The following UNK variants were observed in gnomAD, a reference collection of about 807,000 sequenced individuals.
UNK encodes the protein RING finger protein unkempt homolog.
A neutral mutation model predicts 97.6 loss-of-function variants in UNK; 32 were observed. That is an observed-to-expected ratio of 0.33 (90% confidence interval 0.25 to 0.44). The LOEUF is 0.44. Ranked by LOEUF, UNK falls within the 20% of genes least tolerant of loss-of-function variation. The pLI is 1.00. For missense variants in UNK, 771 were observed against 1,098.4 expected (o/e 0.70, Z 4.21); for synonymous variants, 441 against 461.2 (o/e 0.96, Z 0.56).
intron 1 of UNK, among the ~76,000 whole-genome samples, chr17:75,796,922 G>A (rs923430258): frequency 4.6e-5 from 7 of 152,128 alleles, no homozygotes; most frequent in South Asian, 2.1e-4. Flanking sequence ...CCTTTGATAA[G>A]CCGTGAATTA....
intron 1 of UNK, chr17:75,792,567 C>A: frequency 2.5e-6 from 2 of 806,216 alleles, no homozygotes; most frequent in Non-Finnish European, 3.0e-6. Flanking sequence ...TACTATCCCT[C>A]TGGACAATGT....
intron 2 of UNK, 113 bp from the exon 3 acceptor site, chr17:75,811,995 CAAAA>C (rs1290167356): frequency 1.5e-6 from 2 of 1,317,184 alleles, no homozygotes; most frequent in Non-Finnish European, 2.0e-6. Context: ...AAAAACAAAA[CAAAA>C]CAAACAAACA....
At chr17:75,821,160 T>C in intron 13 of UNK, 1 of 312,256 alleles carries the variant, frequency 3.2e-6, no homozygotes, top group Non-Finnish European at 6.4e-6. Context: ...CAGGTAATCC[T>C]TCCACATCAG....
intron 1 of UNK, among the ~76,000 whole-genome samples, chr17:75,798,669 C>T (rs1043444424): frequency 4.0e-5 from 6 of 151,320 alleles, no homozygotes; most frequent in African/African-American, 1.2e-4. Flanking sequence ...TGTCAGTAGT[C>T]ATCATGATAC....
chr17:75,812,350 G>A (rs759386397), intron 3 of UNK, 62 bp downstream of exon 3: 94 of 1,579,740 alleles, frequency 6.0e-5, no homozygotes, highest in African/African-American at 9.4e-5. Context: ...GGGGCCTGGC[G>A]GCTAATGATG....
rs565218868 is a variant in UNK, at chr17:75,816,419, C to G, written c.962-351C>G. On this transcript the variant is annotated intron_variant, in intron 7 of 15. Transcript: ENST00000589666. This position sits in a 1 kb window ranked among gnomAD's most constrained non-coding sequence, Gnocchi z 4.0. The stretch of plus-strand genomic sequence containing the variant: ...GCTGAGACGGCATAAGGAAGTGATT[C>G]AGGCTTTGGAGTTGTACAGATCAGC... 6.6e-6 allele frequency among the ~76,000 whole-genome samples: 1 copy of G among 152,334 alleles called. No individual in the cohort carries two copies. Among genetic ancestry groups the G allele is most frequent in the African/African-American group, 2.4e-5 (1 of 41,572 alleles).
At chr17:75,799,944 C>G (rs1183064641) in intron 1 of UNK, among the ~76,000 whole-genome samples, 1 of 152,126 alleles carries the variant, frequency 6.6e-6, no homozygotes, top group Non-Finnish European at 1.5e-5. Context: ...TACAGCGAGC[C>G]CCCTTTCTCC....
At position 75,818,579 on chromosome 17, in the gene UNK, C is replaced by G; in HGVS notation, c.1372-63C>G. The G allele has an allele frequency of 1.3e-6, 2 of 1,518,892 alleles. No homozygotes were observed. The highest frequency in any genetic ancestry group is 1.8e-6 in the Non-Finnish European group (2 of 1,128,368). 94.1% of individuals were successfully genotyped at this position (1,518,892 alleles called of 1,614,324 possible). A position where few individuals can be genotyped will look rare whatever the true frequency, so the allele number is the denominator to read the frequency against. ...CCCTTGCCCCCAGCCCCTCTCCAGCCTCTCGTCCTGGCCTCCGTATGCAGG... is the reference window on the plus strand; with the variant it reads ...CCCTTGCCCCCAGCCCCTCTCCAGCGTCTCGTCCTGGCCTCCGTATGCAGG... On this transcript the variant is annotated intron_variant, in intron 10 of 15. Transcript: ENST00000589666. The surrounding 1 kb of genome is among the most constrained non-coding windows in gnomAD (Gnocchi z 5.1).
intron 1 of UNK, among the ~76,000 whole-genome samples, chr17:75,805,809 A>AGTGTGTGTGT (rs1567800919): frequency 4.1e-5 from 4 of 96,492 alleles, no homozygotes; most frequent in Non-Finnish European, 8.0e-5. Context: ...TAAAAAGAAA[A>AGTGTGTGTGT]ATGTGTGTGT....
intron 1 of UNK, among the ~76,000 whole-genome samples, chr17:75,799,583 T>C (rs1263333193): frequency 5.3e-5 from 8 of 152,222 alleles, no homozygotes; most frequent in Admixed American, 3.3e-4. Context: ...TGCTTTTTGC[T>C]TTTCTTTTCA....
Position 75,824,153 on chromosome 17 carries a change from G to C in UNK, c.2278-109G>C. ...GTCTGGGAGCACACTGTTGAGCTCGGTACCTCAGTTTTCCCATCCCAAGGG... is the reference window on the plus strand; with the variant it reads ...GTCTGGGAGCACACTGTTGAGCTCGCTACCTCAGTTTTCCCATCCCAAGGG... On this transcript the variant is annotated intron_variant, in intron 15 of 15. Transcript: ENST00000589666. This position sits in a 1 kb window ranked among gnomAD's most constrained non-coding sequence, Gnocchi z 4.9. 7.5e-7 allele frequency: 1 copy of C among 1,335,068 alleles called. No individual in the cohort carries two copies. Among genetic ancestry groups the C allele is most frequent in the Non-Finnish European group, 9.9e-7 (1 of 1,014,300 alleles). 82.7% of individuals were successfully genotyped at this position (1,335,068 alleles called of 1,614,324 possible).
chr17:75,812,070 T>C (rs1381882393), intron 2 of UNK, 42 bp from the exon 3 acceptor site: 1 of 1,548,290 alleles, frequency 6.5e-7, no homozygotes, highest in Non-Finnish European at 8.7e-7. Flanking sequence ...AAGCCTAGGC[T>C]GCAGGCAGCA....
intron 13 of UNK, chr17:75,821,334 C>A: frequency 2.2e-6 from 1 of 455,764 alleles, no homozygotes; most frequent in South Asian, 1.6e-5. Flanking sequence ...TGCTGTCCAG[C>A]AGCTGTGGCC....
intron 1 of UNK, among the ~76,000 whole-genome samples, chr17:75,806,972 T>G (rs1340184119): frequency 6.6e-6 from 1 of 152,226 alleles, no homozygotes; most frequent in Non-Finnish European, 1.5e-5. Context: ...TGTCCTGATC[T>G]GTGAGAGCCC....
At chr17:75,799,391 G>C (rs1251416849) in intron 1 of UNK, among the ~76,000 whole-genome samples, 1 of 152,196 alleles carries the variant, frequency 6.6e-6, no homozygotes, top group Admixed American at 6.5e-5. Context: ...CTGTGTGTGA[G>C]GCGGAAGATC....
rs1471338224 is a variant in UNK, at chr17:75,798,983, G to T, written c.105-10777G>T. ...TCAGAGGCTGAGGCAGGAGAATGGTGCAAACCCAGGAGGCGGAGCTTGCAG... is the reference window on the plus strand; with the variant it reads ...TCAGAGGCTGAGGCAGGAGAATGGTTCAAACCCAGGAGGCGGAGCTTGCAG... On this transcript the variant is annotated intron_variant, in intron 1 of 15. Transcript: ENST00000589666. 2.0e-5 allele frequency among the ~76,000 whole-genome samples: 3 copies of T among 151,874 alleles called. No individual in the cohort carries two copies. The East Asian group carries it at 5.8e-4, about 30-fold the overall frequency.
intron 1 of UNK, chr17:75,793,782 G>A (rs1567794430): frequency 1.0e-6 from 1 of 985,346 alleles, no homozygotes. Context: ...ATAAGGAGGG[G>A]GAAGGTCCAT....
chr17:75,813,466 G>A (rs1255344292), intron 5 of UNK, among the ~76,000 whole-genome samples: 1 of 152,236 alleles, frequency 6.6e-6, no homozygotes, highest in African/African-American at 2.4e-5. Context: ...TGAGGGGAAT[G>A]TGTTGAATGA....
intron 1 of UNK, among the ~76,000 whole-genome samples, chr17:75,806,421 C>T (rs1435580434): frequency 1.4e-5 from 2 of 146,248 alleles, no homozygotes; most frequent in Non-Finnish European, 3.0e-5. Context: ...CAAGATCGCA[C>T]CACTGCACTC....
Sources: allele counts gnomAD v4.1 joint callset (sites outside exome capture counted in the v4.1 genomes callset), GRCh38; gene constraint gnomAD v4.1.1; non-coding constraint Gnocchi (gnomAD v3.1); transcripts MANE v1.5; gene names NCBI Gene and HGNC (gene_info 2026-07-23, HGNC 2026-07-21).